BTBD2: variants seen among roughly 807,000 people sequenced by gnomAD.
The protein encoded by BTBD2 is BTB/POZ domain-containing protein 2.
BTBD2 carries 15 observed loss-of-function variants against 44.0 expected under a neutral mutation model. The ratio of observed to expected loss-of-function variants is 0.34; its 90% CI spans 0.23 to 0.53. The LOEUF (loss-of-function observed/expected upper bound fraction) is 0.53, where lower values mean the gene tolerates loss of function less well. Among genes scored for constraint, BTBD2 ranks in the 20% least tolerant of loss-of-function variants. BTBD2 has a pLI of 0.95. For missense variants in BTBD2, 657 were observed against 746.4 expected (o/e 0.88, Z 1.39); for synonymous variants, 443 against 335.9 (o/e 1.32, Z -3.49).
intron 1 of BTBD2, among the ~76,000 whole-genome samples, chr19:2,012,913 G>T (rs1314326903): frequency 6.6e-6 from 1 of 152,146 alleles, no homozygotes. Context: ...CCTGCTGCTG[G>T]GTGAGTTCCA....
chr19:1,989,569 A>G (rs1178326305), intron 5 of BTBD2: 7 of 253,336 alleles, frequency 2.8e-5, no homozygotes, highest in Non-Finnish European at 5.5e-5. Context: ...AGGCATCGTT[A>G]GCGCTGCCCC....
chr19:2,002,035 C>T (rs2016336693), intron 1 of BTBD2, among the ~76,000 whole-genome samples: 1 of 152,150 alleles, frequency 6.6e-6, no homozygotes, highest in South Asian at 2.1e-4. Context: ...GCCCCCACGC[C>T]TGGAAGAGAT....
chr19:2,009,881 C>T (rs867244597), intron 1 of BTBD2, among the ~76,000 whole-genome samples: 4 of 151,198 alleles, frequency 2.6e-5, no homozygotes, highest in Non-Finnish European at 2.9e-5. Flanking sequence ...AGGCCAGGTG[C>T]GGTGGCTCAC....
Position 1,986,367 on chromosome 19 carries a change from G to T in BTBD2, c.*121C>A. The T allele has an allele frequency of 1.6e-6, 2 of 1,247,168 alleles. No individual in the cohort carries two copies. Among genetic ancestry groups the T allele is most frequent in the Non-Finnish European group, 2.3e-6 (2 of 873,746 alleles). 77.3% of individuals were successfully genotyped at this position (1,247,168 alleles called of 1,614,324 possible). ...GATGCTGAGAAAGGTGGCATGGAGT[G>T]GACAGACGGCCTGGGGGACACTGGG... On this transcript the variant is annotated 3_prime_UTR_variant, in exon 9 of 9. Transcript: ENST00000255608.
intron 2 of BTBD2, among the ~76,000 whole-genome samples, chr19:1,997,006 C>T (rs545275056): frequency 1.3e-5 from 2 of 152,070 alleles, no homozygotes; most frequent in Non-Finnish European, 2.9e-5. Flanking sequence ...AGTGAAACCC[C>T]ATCTCTACTA....
chr19:1,997,137 G>A (rs1356043994), intron 2 of BTBD2, among the ~76,000 whole-genome samples: 12 of 150,108 alleles, frequency 8.0e-5, no homozygotes, highest in Non-Finnish European at 1.3e-4. Flanking sequence ...CCAAGATCAC[G>A]GCACTGCACT....
At position 1,986,826 on chromosome 19, in the gene BTBD2, G is replaced by A. The variant is rs372293266; in HGVS notation, c.1416+4C>T. ...CGGAGGGACCCCTGTCCCCGGCGGCGCACCTTGAGCGTGGCACAGGCCGTG... is the reference window on the plus strand; with the variant it reads ...CGGAGGGACCCCTGTCCCCGGCGGCACACCTTGAGCGTGGCACAGGCCGTG... On this transcript the variant is annotated splice_donor_region_variant and intron_variant, in intron 8 of 8. Coordinates refer to ENST00000255608, the MANE Select transcript of BTBD2 (RefSeq NM_017797.4). 1.8e-4 allele frequency: 294 copies of A among 1,600,348 alleles called. No individual in the cohort carries two copies. Among genetic ancestry groups the A allele is most frequent in the Non-Finnish European group, 2.4e-4 (287 of 1,172,786 alleles).
intron 1 of BTBD2, chr19:2,002,489 A>G (rs1246881222): frequency 2.6e-5 from 4 of 152,232 alleles, no homozygotes; most frequent in African/African-American, 9.7e-5. Context: ...TCGCCCCTGC[A>G]ACAGGCATCT....
rs1190328558 is a variant in BTBD2 at position 1,990,709 on chromosome 19, G to T, written c.790+8C>A. On this transcript the variant is annotated splice_region_variant and intron_variant, in intron 4 of 8. Coordinates refer to ENST00000255608, the MANE Select transcript of BTBD2 (RefSeq NM_017797.4). ...GGGATTCCCACACCTGGGCTCCTGGGCCCTTACCCAGGTCAATGTCGGTGA... is the reference window on the plus strand; with the variant it reads ...GGGATTCCCACACCTGGGCTCCTGGTCCCTTACCCAGGTCAATGTCGGTGA... 1.9e-6 allele frequency: 3 copies of T among 1,590,310 alleles called. No individual in the cohort carries two copies. The highest frequency in any genetic ancestry group is 1.1e-5 in the South Asian group (1 of 87,502).
At chr19:2,008,800 G>T (rs1387022979) in intron 1 of BTBD2, among the ~76,000 whole-genome samples, 5 of 150,638 alleles carry the variant, frequency 3.3e-5, no homozygotes, top group Non-Finnish European at 7.4e-5. Context: ...CGAACTCCTG[G>T]GGTCAAGTGA....
chr19:2,010,515 G>A (rs908492922), intron 1 of BTBD2, among the ~76,000 whole-genome samples: 13 of 152,054 alleles, frequency 8.5e-5, no homozygotes, highest in South Asian at 2.1e-4. Flanking sequence ...CTGCACCCCC[G>A]CCAGGGACCA....
chr19:1,997,204 G>C, intron 2 of BTBD2, 140 bp downstream of exon 2: 1 of 1,287,934 alleles, frequency 7.8e-7, no homozygotes, highest in Non-Finnish European at 1.1e-6. Context: ...AAGTGCCTCT[G>C]GAACCCCTCA....
intron 3 of BTBD2, chr19:1,991,915 GTTTT>G (rs745535268): frequency 2.7e-5 from 4 of 147,400 alleles, no homozygotes; most frequent in East Asian, 2.0e-4. Context: ...GTTCTCTCTG[GTTTT>G]TTTTTTTCTT....
At chr19:2,000,920 C>T (rs1456945486) in intron 1 of BTBD2, among the ~76,000 whole-genome samples, 1 of 152,124 alleles carries the variant, frequency 6.6e-6, no homozygotes, top group Non-Finnish European at 1.5e-5. Context: ...ATGACAGACG[C>T]CAGGCACAGA....
chr19:2,008,068 G>A (rs987351261), intron 1 of BTBD2, among the ~76,000 whole-genome samples: 9 of 151,406 alleles, frequency 5.9e-5, no homozygotes, highest in East Asian at 3.9e-4. Context: ...GCAGCAGCAC[G>A]ATCTCAGCTC....
intron 7 of BTBD2, 37 bp downstream of exon 7, chr19:1,987,129 C>T (rs761223048): frequency 6.2e-7 from 1 of 1,606,016 alleles, no homozygotes. Context: ...GGACATGGGC[C>T]TGAGTGGGGC....
chr19:2,009,670 G>A (rs1438615471), intron 1 of BTBD2, among the ~76,000 whole-genome samples: 5 of 151,128 alleles, frequency 3.3e-5, no homozygotes, highest in Non-Finnish European at 4.4e-5. Context: ...GCAACATGAC[G>A]GAAATACTGT....
chr19:1,988,911 T>C lies in BTBD2; in HGVS notation c.988+1093A>G, dbSNP rs144939412. On this transcript the variant is annotated intron_variant, in intron 5 of 8. Coordinates refer to ENST00000255608, the MANE Select transcript of BTBD2 (RefSeq NM_017797.4). ...TGAGTGACCCAGCCTGGCCAACAATTGTATATATTTTTTTATTTTAAATGG... is the reference window on the plus strand; with the variant it reads ...TGAGTGACCCAGCCTGGCCAACAATCGTATATATTTTTTTATTTTAAATGG... Among the ~76,000 whole-genome samples the C allele has an allele frequency of 2.2e-3, 335 of 151,964 alleles. 3 individuals are homozygous for C. The highest frequency in any genetic ancestry group is 7.7e-3 in the African/African-American group (319 of 41,432).
chr19:2,007,791 G>A (rs2016413331), intron 1 of BTBD2, among the ~76,000 whole-genome samples: 1 of 152,070 alleles, frequency 6.6e-6, no homozygotes, highest in African/African-American at 2.4e-5. Flanking sequence ...TCATGCCACT[G>A]CACTTCAGCC....
Sources: allele counts gnomAD v4.1 joint callset (sites outside exome capture counted in the v4.1 genomes callset), GRCh38; gene constraint gnomAD v4.1.1; transcripts MANE v1.5; gene names NCBI Gene and HGNC (gene_info 2026-07-23, HGNC 2026-07-21).